The following CYTH1 variants were observed in gnomAD, a reference collection of about 807,000 sequenced individuals.
CYTH1 encodes cytohesin-1.
In CYTH1, 18 loss-of-function variants were observed where a neutral mutation model predicts 61.8. The ratio of observed to expected loss-of-function variants is 0.29; its 90% CI spans 0.20 to 0.43. The LOEUF is 0.43. Among genes scored for constraint, CYTH1 ranks in the 20% least tolerant of loss-of-function variants. The probability of loss-of-function intolerance (pLI) is 1.00; values close to 1 mark genes in which losing one functional copy is unlikely to be tolerated. For synonymous variants in CYTH1, 174 were observed against 184.3 expected (o/e 0.94, Z 0.45); for missense variants, 336 against 510.5 (o/e 0.66, Z 3.29).
At chr17:78,758,505 G>C (rs966936460) in intron 1 of CYTH1, among the ~76,000 whole-genome samples, 1 of 152,180 alleles carries the variant, frequency 6.6e-6, no homozygotes, top group East Asian at 1.9e-4. Context: ...AGGAGTTCGA[G>C]ACCAGCCTGA....
intron 13 of CYTH1, 33 bp from the exon 14 acceptor site, chr17:78,676,202 T>C: frequency 6.3e-7 from 1 of 1,580,834 alleles, no homozygotes; most frequent in Non-Finnish European, 8.6e-7. Context: ...AACAGAGACG[T>C]GAGGGACAGA....
At chr17:78,722,578 G>GC (rs1215211278) in intron 1 of CYTH1, among the ~76,000 whole-genome samples, 1 of 152,134 alleles carries the variant, frequency 6.6e-6, no homozygotes, top group Non-Finnish European at 1.5e-5. Context: ...GCACAGCTGG[G>GC]CCACGACACC....
Position 78,740,368 on chromosome 17 carries a change from T to C in CYTH1, c.23-30636A>G, listed in dbSNP as rs1054042292. 3.3e-5 allele frequency among the ~76,000 whole-genome samples: 5 copies of C among 152,352 alleles called. No individual in the cohort carries two copies. The South Asian group carries it at 6.2e-4, about 19-fold the overall frequency. ...AGGTCCCCTGCTCCTCCAGACCTTT[T>C]GACTTTGAGCTTCTGCTCCCACTAT... On this transcript the variant is annotated intron_variant, in intron 1 of 13. Coordinates refer to ENST00000446868, the MANE Select transcript of CYTH1 (RefSeq NM_004762.6).
intron 1 of CYTH1, among the ~76,000 whole-genome samples, chr17:78,719,155 G>A (rs1598878214): frequency 6.6e-6 from 1 of 152,332 alleles, no homozygotes; most frequent in East Asian, 1.9e-4. Context: ...ACTCTACAGG[G>A]AGTGGTCTTG....
chr17:78,700,275 GA>G lies in CYTH1; in HGVS notation c.550+55del, dbSNP rs1293880924. The G allele has an allele frequency of 6.9e-6, 10 of 1,442,530 alleles. No individual in the cohort carries two copies. In the African/African-American group the frequency reaches 7.2e-5, roughly 10 times the overall value. The allele number at this position is 1,442,530 out of a possible 1,614,324, so 89.4% of individuals were successfully genotyped here. On this transcript the variant is annotated intron_variant, in intron 7 of 13. Coordinates refer to ENST00000446868, the MANE Select transcript of CYTH1 (RefSeq NM_004762.6). The surrounding 1 kb of genome is among the most constrained non-coding windows in gnomAD (Gnocchi z 5.1). ...TGTTTTAGAAATTATCTGGTGCCAAGAAAATAATCCAGTGTAAAACGCCCAT... is the reference window on the plus strand; with the variant it reads ...TGTTTTAGAAATTATCTGGTGCCAAGAAATAATCCAGTGTAAAACGCCCAT...
intron 3 of CYTH1, among the ~76,000 whole-genome samples, chr17:78,705,473 C>T (rs2093055586): frequency 6.6e-6 from 1 of 152,214 alleles, no homozygotes; most frequent in Non-Finnish European, 1.5e-5. Context: ...CCTTAGTTAA[C>T]TGACGCGTAT....
At chr17:78,703,392 C>CA (rs1282425407) in intron 3 of CYTH1, among the ~76,000 whole-genome samples, 6 of 110,320 alleles carry the variant, frequency 5.4e-5, no homozygotes, top group African/African-American at 3.6e-5. Context: ...GCCCGGGTGA[C>CA]AGAGTGAGAC....
chr17:78,720,929 T>G (rs2093223079), intron 1 of CYTH1, among the ~76,000 whole-genome samples: 1 of 152,228 alleles, frequency 6.6e-6, no homozygotes, highest in Non-Finnish European at 1.5e-5. Context: ...CTAACTTCTC[T>G]GTCTGCTTAC....
At chr17:78,738,615 A>C (rs2093330397) in intron 1 of CYTH1, among the ~76,000 whole-genome samples, 1 of 149,732 alleles carries the variant, frequency 6.7e-6, no homozygotes, top group South Asian at 2.1e-4. Context: ...ATAAATACAT[A>C]TGCATATATT....
chr17:78,705,612 A>T (rs1305268418), intron 3 of CYTH1, among the ~76,000 whole-genome samples: 1 of 152,182 alleles, frequency 6.6e-6, no homozygotes, highest in Admixed American at 6.5e-5. Flanking sequence ...CCTATAAGAA[A>T]GTCCGAGCAA....
intron 2 of CYTH1, chr17:78,709,423 C>T (rs1433142588): frequency 2.2e-5 from 11 of 509,066 alleles, no homozygotes; most frequent in Admixed American, 3.6e-5. Flanking sequence ...CTCCGACAAC[C>T]GACCAACTGG....
rs532615748 is a variant in CYTH1 at position 78,699,067 on chromosome 17, A to C, written c.551-99T>G. 1.9e-5 allele frequency: 28 copies of C among 1,440,702 alleles called. No homozygotes were observed. The South Asian group carries it at 3.1e-4, about 16-fold the overall frequency. The allele number at this position is 1,440,702 out of a possible 1,614,324, so 89.2% of individuals were successfully genotyped here. ...AGAGTGGTATCAGATGAAATCAGGA[A>C]TAAAAAACCATGTTCTCGGCCAGAT... is the stretch of plus-strand genomic sequence containing the variant. On this transcript the variant is annotated intron_variant, in intron 7 of 13. Coordinates refer to ENST00000446868, the MANE Select transcript of CYTH1 (RefSeq NM_004762.6).
chr17:78,751,286 G>C (rs772592501), intron 1 of CYTH1, among the ~76,000 whole-genome samples: 1 of 152,034 alleles, frequency 6.6e-6, no homozygotes, highest in Non-Finnish European at 1.5e-5. Context: ...GCCAACTGTT[G>C]ATTCATTAAC....
At chr17:78,759,532 G>A (rs1406674084) in intron 1 of CYTH1, among the ~76,000 whole-genome samples, 1 of 152,200 alleles carries the variant, frequency 6.6e-6, no homozygotes, top group Non-Finnish European at 1.5e-5. Context: ...GGAAGCTAAA[G>A]TGGGTAGGTA....
At chr17:78,693,977 G>T (rs776153203) in intron 10 of CYTH1, among the ~76,000 whole-genome samples, 7 of 152,158 alleles carry the variant, frequency 4.6e-5, no homozygotes, top group Non-Finnish European at 7.3e-5. Context: ...TCATACCTCC[G>T]ATCATGCTTT....
chr17:78,778,736 T>C (rs2093504059), intron 1 of CYTH1, among the ~76,000 whole-genome samples: 1 of 152,046 alleles, frequency 6.6e-6, no homozygotes, highest in Non-Finnish European at 1.5e-5. Flanking sequence ...GGAGGATGGT[T>C]TTAGACCAGC....
chr17:78,735,544 C>T (rs1353700453), intron 1 of CYTH1, among the ~76,000 whole-genome samples: 1 of 152,204 alleles, frequency 6.6e-6, no homozygotes, highest in Non-Finnish European at 1.5e-5. Flanking sequence ...ACAGAAGTAT[C>T]GTTATGGACA....
intron 9 of CYTH1, 100 bp from the exon 10 acceptor site, chr17:78,696,109 A>G: frequency 7.5e-7 from 1 of 1,340,044 alleles, no homozygotes; most frequent in Non-Finnish European, 9.9e-7. Context: ...CGATTCCTTA[A>G]TCTTAAAGTG....
Position 78,782,233 on chromosome 17 carries a change from G to GCCGGGCT in CYTH1, c.-17_-11dup, listed in dbSNP as rs2093522126. The GCCGGGCT allele has an allele frequency of 1.5e-6, 2 of 1,315,024 alleles. No individual in the cohort carries two copies. The highest frequency in any genetic ancestry group is 9.8e-7 in the Non-Finnish European group (1 of 1,017,304). The allele number at this position is 1,315,024 out of a possible 1,614,324, so 81.5% of individuals were successfully genotyped here. On this transcript the variant is annotated 5_prime_UTR_variant, in exon 1 of 14. Transcript: ENST00000446868. ...TGTCGTCCTCCTCCATGGTGCGGGA[G>GCCGGGCT]CCGGGCTCCGCGCTCCGGCTCGCCG... is the stretch of plus-strand genomic sequence containing the variant.
Sources: allele counts gnomAD v4.1 joint callset (sites outside exome capture counted in the v4.1 genomes callset), GRCh38; gene constraint gnomAD v4.1.1; non-coding constraint Gnocchi (gnomAD v3.1); transcripts MANE v1.5; gene names NCBI Gene and HGNC (gene_info 2026-07-23, HGNC 2026-07-21).